TNS1: variants seen among roughly 807,000 people sequenced by gnomAD.
TNS1 encodes the protein tensin 1, also known as tensin-1.
Under a neutral mutation model 168.6 loss-of-function variants are expected in TNS1, and 62 were observed. That is an observed-to-expected ratio of 0.37 (90% CI 0.30 to 0.45). The LOEUF (loss-of-function observed/expected upper bound fraction) is 0.45. TNS1 is among the 20% of genes least tolerant of loss of function. TNS1 has a pLI of 1.00. For missense variants in TNS1, 2,240 were observed against 2,339.4 expected (o/e 0.96, Z 0.88); for synonymous variants, 934 against 933.2 (o/e 1.00, Z -0.02).
At chr2:217,940,954 G>C (rs1034141070) in intron 3 of TNS1, among the ~76,000 whole-genome samples, 1 of 152,142 alleles carries the variant, frequency 6.6e-6, no homozygotes, top group Non-Finnish European at 1.5e-5. Context: ...GCCTGTGAGA[G>C]GTGACTGCTC....
At chr2:217,805,662 C>G (rs936787180) in intron 32 of TNS1, among the ~76,000 whole-genome samples, 12 of 89,676 alleles carry the variant, frequency 1.3e-4, no homozygotes, top group South Asian at 8.8e-4. Flanking sequence ...ACACAACACA[C>G]ATATCACCAC....
intron 1 of TNS1, among the ~76,000 whole-genome samples, chr2:218,031,572 T>C (rs1472175433): frequency 1.3e-5 from 2 of 148,256 alleles, no homozygotes; most frequent in South Asian, 4.1e-4. Flanking sequence ...TGTCTGTGTG[T>C]GTGTGCACCT....
chr2:217,921,552 T>C (rs533713386), intron 3 of TNS1, among the ~76,000 whole-genome samples: 2 of 152,298 alleles, frequency 1.3e-5, no homozygotes, highest in African/African-American at 4.8e-5. Context: ...TGTGGGACAG[T>C]GTGCTCCAAG....
At chr2:217,981,630 C>T (rs1429800864) in intron 2 of TNS1, among the ~76,000 whole-genome samples, 3 of 152,182 alleles carry the variant, frequency 2.0e-5, no homozygotes, top group Non-Finnish European at 1.5e-5. Flanking sequence ...CCAAGCAGGA[C>T]AGGCTTGGCC....
At chr2:218,030,820 C>T (rs1404637380) in intron 1 of TNS1, among the ~76,000 whole-genome samples, 1 of 152,170 alleles carries the variant, frequency 6.6e-6, no homozygotes, top group Non-Finnish European at 1.5e-5. Context: ...AAATATATGA[C>T]ATTGTGTATG....
chr2:217,932,834 CAT>C (rs1364710829), intron 3 of TNS1, among the ~76,000 whole-genome samples: 2 of 152,206 alleles, frequency 1.3e-5, no homozygotes, highest in African/African-American at 2.4e-5. Context: ...AAAATTCACT[CAT>C]GTGGAAAACT....
intron 19 of TNS1, among the ~76,000 whole-genome samples, chr2:217,841,731 G>A (rs1209731719): frequency 6.6e-6 from 1 of 151,992 alleles, no homozygotes; most frequent in African/African-American, 2.4e-5. Flanking sequence ...CTTTTCCTGG[G>A]CACCTGCCTC....
At chr2:217,868,670 T>G (rs571584091) in intron 18 of TNS1, among the ~76,000 whole-genome samples, 1 of 152,200 alleles carries the variant, frequency 6.6e-6, no homozygotes, top group African/African-American at 2.4e-5. Context: ...TCTCCCCACT[T>G]TACAGGTGAG....
intron 2 of TNS1, among the ~76,000 whole-genome samples, chr2:217,984,113 C>T (rs984388115): frequency 6.6e-6 from 1 of 152,184 alleles, no homozygotes; most frequent in African/African-American, 2.4e-5. Context: ...GGCAGGGGTA[C>T]CCCACCTGCC....
At chr2:218,009,863 G>A (rs979163563) in intron 1 of TNS1, among the ~76,000 whole-genome samples, 40 of 152,362 alleles carry the variant, frequency 2.6e-4, no homozygotes, top group African/African-American at 7.5e-4. Context: ...ACCCAGGGGT[G>A]TGCGCTGGGG....
intron 18 of TNS1, among the ~76,000 whole-genome samples, chr2:217,871,422 G>A (rs939915585): frequency 2.6e-5 from 4 of 152,108 alleles, no homozygotes; most frequent in African/African-American, 9.7e-5. Flanking sequence ...GCACCCACAT[G>A]TAGAAACTCA....
chr2:218,003,674 C>T (rs1164950418), upstream of TNS1, among the ~76,000 whole-genome samples: 1 of 152,006 alleles, frequency 6.6e-6, no homozygotes, highest in East Asian at 1.9e-4. Flanking sequence ...TCTGTCCCAG[C>T]CTTTCCTGCC....
intron 8 of TNS1, among the ~76,000 whole-genome samples, 183 bp from the exon 9 acceptor site, chr2:217,895,239 G>C (rs907424929): frequency 1.3e-5 from 2 of 152,178 alleles, no homozygotes; most frequent in African/African-American, 4.8e-5. Flanking sequence ...GCCTGGCCAC[G>C]GAACAGCCAT....
intron 2 of TNS1, among the ~76,000 whole-genome samples, chr2:217,988,392 C>T (rs1024323543): frequency 2.2e-4 from 34 of 152,218 alleles, no homozygotes; most frequent in Admixed American, 1.8e-3. Flanking sequence ...TGAGGGCCAC[C>T]GGAGACTGCA....
chr2:217,939,258 TC>T lies in TNS1; in HGVS notation c.187-19023del, dbSNP rs201707764. 3.4e-3 allele frequency among the ~76,000 whole-genome samples: 523 copies of T among 152,212 alleles called. 7 individuals carry two copies. The highest frequency in any genetic ancestry group is 0.012 in the African/African-American group (481 of 41,526). Reference sequence around the variant, plus strand: ...GGTAAACCGGGTCATCATAAGTTGATCCCCAGCAGTCTGGCACCAGACTCAC... The same window carrying T: ...GGTAAACCGGGTCATCATAAGTTGATCCCAGCAGTCTGGCACCAGACTCAC... On this transcript the variant is annotated intron_variant, in intron 3 of 32. Transcript: ENST00000682258.
rs556582105 is a variant in TNS1 at position 217,848,772 on chromosome 2, A to T, written c.1745T>A (p.Met582Lys). Residue 582 changes from methionine (M) to lysine (K), a missense_variant, in exon 19 of 33, where the codon ATG (methionine) becomes AAG (lysine). Physicochemically the swap from Met to Lys is moderately conservative, Grantham distance 95. This residue lies in a region of TNS1 where 2,131 missense variants were observed against 2,171.2 expected (regional missense o/e 0.98). Transcript: ENST00000682258. ...FGLEREKQGAMYHTQHLRSRP... is the reference protein window; with the variant it reads ...FGLEREKQGAKYHTQHLRSRP... ...GGACCTGAGGTGCTGGGTGTGGTAC[A>T]TGGCGCCTTGCTTCTCTCGCTCTAA... 1 of 1,614,152 alleles carries T rather than the reference A, an allele frequency of 6.2e-7. No homozygotes were observed. Among genetic ancestry groups the T allele is most frequent in the Admixed American group, 1.7e-5 (1 of 60,026 alleles).
chr2:217,952,769 T>A (rs767592964), intron 3 of TNS1, among the ~76,000 whole-genome samples: 3 of 152,108 alleles, frequency 2.0e-5, no homozygotes, highest in Non-Finnish European at 4.4e-5. Context: ...GAGAAATGGA[T>A]CCTGGTCTCA....
intron 3 of TNS1, among the ~76,000 whole-genome samples, chr2:217,976,223 CCTT>C (rs1199855700): frequency 5.9e-5 from 9 of 152,184 alleles, no homozygotes; most frequent in Admixed American, 5.9e-4. Flanking sequence ...AGGGCCAAGA[CCTT>C]CTCTATCTGT....
intron 17 of TNS1, chr2:217,881,403 G>A (rs555925811): frequency 9.8e-5 from 18 of 184,436 alleles, no homozygotes; most frequent in Non-Finnish European, 2.1e-4. Context: ...GGGGTGGGGG[G>A]CAGGCTGCTT....
Sources: allele counts gnomAD v4.1 joint callset (sites outside exome capture counted in the v4.1 genomes callset), GRCh38; gene constraint gnomAD v4.1.1; regional missense constraint gnomAD v4.1.1; transcripts MANE v1.5; gene names NCBI Gene and HGNC (gene_info 2026-07-23, HGNC 2026-07-21).